Variants in CCNL1 observed in about 807,000 individuals in gnomAD.
The protein encoded by CCNL1 is cyclin L1, also known as cyclin-L1.
A neutral mutation model predicts 60.6 loss-of-function variants in CCNL1; 13 were observed. The observed-to-expected ratio is 0.21, with a 90% confidence interval of 0.14 to 0.34. The LOEUF is 0.34. CCNL1 is among the 10% of genes least tolerant of loss of function. CCNL1 has a pLI of 1.00. For synonymous variants in CCNL1, 270 were observed against 244.3 expected (o/e 1.10, Z -0.98); for missense variants, 481 against 664.3 (o/e 0.72, Z 3.03).
chr3:157,145,960 T>C (rs1421682912), downstream of CCNL1, among the ~76,000 whole-genome samples: 1 of 152,226 alleles, frequency 6.6e-6, no homozygotes, highest in East Asian at 1.9e-4. Flanking sequence ...AAATTAGAGA[T>C]GAGGGCTCTC....
At chr3:157,158,692 TC>T (rs1157900747) in intron 3 of CCNL1, 173 bp downstream of exon 3, 2 of 510,782 alleles carry the variant, frequency 3.9e-6, no homozygotes, top group Non-Finnish European at 7.0e-6. Flanking sequence ...TAATTATGTT[TC>T]TTTTTTCAAA....
intron 3 of CCNL1, among the ~76,000 whole-genome samples, chr3:157,155,968 C>A (rs1410484292): frequency 2.6e-5 from 4 of 152,286 alleles, no homozygotes; most frequent in African/African-American, 9.6e-5. Context: ...GAATTATTTT[C>A]AGCTTTAGAA....
In CCNL1 at chr3:157,160,097, T is replaced by C. The variant is rs1577083523; in HGVS notation, c.-3A>G. On this transcript the variant is annotated 5_prime_UTR_variant, in exon 1 of 11. Coordinates refer to ENST00000295926, the MANE Select transcript of CCNL1 (RefSeq NM_020307.4). ...GTCGAATGAGGCCCGGACGCCATAGTCTTAGCGAGCCGCACGCAAGCCCAA... is the reference window on the plus strand; with the variant it reads ...GTCGAATGAGGCCCGGACGCCATAGCCTTAGCGAGCCGCACGCAAGCCCAA... 1.3e-6 allele frequency: 2 copies of C among 1,538,436 alleles called. No individual in the cohort carries two copies. Among genetic ancestry groups the C allele is most frequent in the African/African-American group, 1.4e-5 (1 of 72,898 alleles).
chr3:157,159,660 C>T (rs1738922676), intron 1 of CCNL1, 132 bp downstream of exon 1: 1 of 1,050,898 alleles, frequency 9.5e-7, no homozygotes, highest in Non-Finnish European at 1.3e-6. Flanking sequence ...GCCCCGGCCG[C>T]GGCTGGGCCC....
At chr3:157,147,019 T>C (rs892788639), downstream of CCNL1, among the ~76,000 whole-genome samples, 3 of 152,224 alleles carry the variant, frequency 2.0e-5, no homozygotes, top group Admixed American at 6.5e-5. Flanking sequence ...GGTGAACACA[T>C]TTTAAGTCTT....
chr3:157,148,471 T>C lies in CCNL1; in HGVS notation c.1351A>G (p.Lys451Glu). The stretch of plus-strand genomic sequence containing the variant: ...CTTTTTAAATCATCTCTGGTATGCT[T>C]GGCCTTAAGGTGAGGAGAACCATGA... Reference protein sequence around the residue: ...HNHGSPHLKAKHTRDDLKSSN... With the variant: ...HNHGSPHLKAEHTRDDLKSSN... Residue 451 changes from lysine to glutamate, a missense_variant, in exon 11 of 11, where the codon AAG (lysine) becomes GAG (glutamate). By Grantham distance (56) the Lys-to-Glu change is moderately conservative (BLOSUM62 1). Around this residue, in one of 5 missense-constraint regions of CCNL1, gnomAD observed 197 missense variants for 233.9 expected, o/e 0.84. Transcript: ENST00000295926. 6.2e-7 allele frequency: 1 copy of C among 1,614,210 alleles called. No homozygotes were observed. The highest frequency in any genetic ancestry group is 8.5e-7 in the Non-Finnish European group (1 of 1,180,038).
intron 3 of CCNL1, chr3:157,154,047 C>T (rs1738403919): frequency 6.6e-6 from 1 of 152,160 alleles, no homozygotes; most frequent in Admixed American, 6.6e-5. Context: ...GGCTCTGTAC[C>T]AGACTAAATT....
chr3:157,155,320 T>C (rs1738528516), intron 3 of CCNL1, among the ~76,000 whole-genome samples: 1 of 152,204 alleles, frequency 6.6e-6, no homozygotes, highest in African/African-American at 2.4e-5. Context: ...GTGATATAAT[T>C]CATTTGTTCT....
At chr3:157,151,059 T>C (rs938875504) in intron 5 of CCNL1, 1 of 984,884 alleles carries the variant, frequency 1.0e-6, no homozygotes, top group Non-Finnish European at 1.2e-6. Flanking sequence ...AAAGAAATTT[T>C]ACAGATCATT....
downstream of CCNL1, among the ~76,000 whole-genome samples, chr3:157,147,138 C>G (rs184055064): frequency 6.6e-6 from 1 of 152,272 alleles, no homozygotes; most frequent in Non-Finnish European, 1.5e-5. Context: ...CAACAAATCA[C>G]TTGGAGCCAA....
intron 10 of CCNL1, chr3:157,148,929 T>C (rs1432909894): frequency 1.2e-5 from 4 of 336,370 alleles, no homozygotes; most frequent in African/African-American, 2.2e-5. Context: ...CTAAAGAAGA[T>C]TCATTGACTG....
At chr3:157,150,655 A>C (rs1339916486) in intron 5 of CCNL1, 10 of 1,135,914 alleles carry the variant, frequency 8.8e-6, no homozygotes, top group Non-Finnish European at 1.1e-5. Context: ...CTAAAAAGTT[A>C]ATATATTTCT....
In CCNL1 at chr3:157,159,993, CGTCGTCGTG is replaced by C. The variant is rs759982653; in HGVS notation, c.93_101del (p.Thr35_Thr37del). On this transcript the variant is annotated inframe_deletion, in exon 1 of 11. Coordinates refer to ENST00000295926, the MANE Select transcript of CCNL1 (RefSeq NM_020307.4). ...CGATCAGGATCCCTCCCGTCGTGGT[CGTCGTCGTG>C]GTCGTCGTCCCGGAGCTGGAGCCGC... 3 of 1,579,688 alleles carry C rather than the reference CGTCGTCGTG, an allele frequency of 1.9e-6. No individual in the cohort carries two copies. The highest frequency in any genetic ancestry group is 2.6e-6 in the Non-Finnish European group (3 of 1,162,894).
chr3:157,152,047 A>G, intron 5 of CCNL1, 130 bp downstream of exon 5: 1 of 1,490,202 alleles, frequency 6.7e-7, no homozygotes, highest in Non-Finnish European at 8.9e-7. Flanking sequence ...TTGGTTAAAA[A>G]AACAAAACAA....
downstream of CCNL1, among the ~76,000 whole-genome samples, chr3:157,143,763 ATC>A (rs1737707399): frequency 6.6e-6 from 1 of 152,274 alleles, no homozygotes; most frequent in African/African-American, 2.4e-5. Context: ...AATAAAGACT[ATC>A]TCTGAGACAG....
At chr3:157,151,171 A>G in intron 5 of CCNL1, 1 of 984,854 alleles carries the variant, frequency 1.0e-6, no homozygotes, top group Non-Finnish European at 1.2e-6. Flanking sequence ...AATGTCATGC[A>G]TTTTATAAAA....
chr3:157,154,480 T>G (rs1045389885), intron 3 of CCNL1: 5 of 152,152 alleles, frequency 3.3e-5, no homozygotes, highest in Admixed American at 2.6e-4. Context: ...TTTAAGACAG[T>G]CATCCTCTCT....
rs895604121 is a variant in CCNL1 at position 157,149,384 on chromosome 3, C to T, written c.1135G>A (p.Val379Ile). 1 of 1,613,566 alleles carries T rather than the reference C, an allele frequency of 6.2e-7. No individual in the cohort carries two copies. Among genetic ancestry groups the T allele is most frequent in the Non-Finnish European group, 8.5e-7 (1 of 1,179,678 alleles). ...QQASKSPYNG[V>I]RKDSKRSRNS... is the part of the protein sequence containing the mutation. Reference sequence around the variant, plus strand: ...CTACTTCTCTTGCTGTCTTTTCTTACACTTCAAAAAATCATGACATATTAG... The same window carrying T: ...CTACTTCTCTTGCTGTCTTTTCTTATACTTCAAAAAATCATGACATATTAG... Residue 379 changes from valine to isoleucine, a missense_variant and splice_region_variant, in exon 10 of 11, where the codon GTA (valine) becomes ATA (isoleucine). Val to Ile is a conservative substitution (Grantham distance 29). This residue lies in a region of CCNL1 where 197 missense variants were observed against 233.9 expected (regional missense o/e 0.84). Transcript: ENST00000295926.
At position 157,148,205 on chromosome 3, in the gene CCNL1, A is replaced by T; in HGVS notation, c.*36T>A. The T allele has an allele frequency of 6.3e-7, 1 of 1,586,896 alleles. No individual in the cohort carries two copies. The highest frequency in any genetic ancestry group is 8.6e-7 in the Non-Finnish European group (1 of 1,167,308). ...CATACATCACACTGTAGATAGGCAA[A>T]ACCAAGAACTGATGCAGGCTCAAAG... On this transcript the variant is annotated 3_prime_UTR_variant, in exon 11 of 11. Transcript: ENST00000295926.
Sources: allele counts gnomAD v4.1 joint callset (sites outside exome capture counted in the v4.1 genomes callset), GRCh38; gene constraint gnomAD v4.1.1; regional missense constraint gnomAD v4.1.1; transcripts MANE v1.5; gene names NCBI Gene and HGNC (gene_info 2026-07-23, HGNC 2026-07-21).